ATP9B: variants seen among roughly 807,000 people sequenced by gnomAD.
The protein encoded by ATP9B is probable phospholipid-transporting ATPase IIB.
ATP9B carries 110 observed loss-of-function variants against 146.1 expected under a neutral mutation model. The ratio of observed to expected loss-of-function variants is 0.75; its 90% confidence interval spans 0.65 to 0.88. The LOEUF is 0.88. Ranked by LOEUF, ATP9B falls within the 40% of genes least tolerant of loss-of-function variation. The pLI, the probability that ATP9B is intolerant of heterozygous loss-of-function variation, is 0.00. For synonymous variants in ATP9B, 604 were observed against 569.7 expected (o/e 1.06, Z -0.86); for missense variants, 1,499 against 1,496.4 (o/e 1.00, Z -0.03).
chr18:79,355,825 A>C (rs563334283), intron 25 of ATP9B, among the ~76,000 whole-genome samples: 1 of 152,358 alleles, frequency 6.6e-6, no homozygotes, highest in Admixed American at 6.5e-5. Flanking sequence ...AGATAATCAT[A>C]ATCAAACTGA....
At chr18:79,109,139 T>C (rs1218984110) in intron 2 of ATP9B, among the ~76,000 whole-genome samples, 3 of 152,224 alleles carry the variant, frequency 2.0e-5, no homozygotes, top group South Asian at 2.1e-4. Flanking sequence ...ATTTGACTTA[T>C]ACGGCAGGCT....
intron 9 of ATP9B, among the ~76,000 whole-genome samples, chr18:79,202,773 T>TA (rs1298671933): frequency 6.6e-6 from 1 of 152,214 alleles, no homozygotes; most frequent in Non-Finnish European, 1.5e-5. Flanking sequence ...GATGCATAGA[T>TA]ATTGTGTTTT....
At chr18:79,282,442 C>G (rs1173397608) in intron 13 of ATP9B, among the ~76,000 whole-genome samples, 1 of 152,206 alleles carries the variant, frequency 6.6e-6, no homozygotes, top group Non-Finnish European at 1.5e-5. Context: ...GTCCAAACTT[C>G]AGCCACCACC....
intron 11 of ATP9B, among the ~76,000 whole-genome samples, chr18:79,226,796 C>T (rs2095739391): frequency 6.6e-6 from 1 of 152,160 alleles, no homozygotes; most frequent in South Asian, 2.1e-4. Flanking sequence ...CAGTGCTCTA[C>T]GGGATAAGTG....
chr18:79,091,704 T>C (rs1394098392), intron 1 of ATP9B, among the ~76,000 whole-genome samples: 3 of 152,222 alleles, frequency 2.0e-5, no homozygotes, highest in Non-Finnish European at 4.4e-5. Context: ...CAAATATACG[T>C]TCGTATCATC....
intron 7 of ATP9B, among the ~76,000 whole-genome samples, chr18:79,175,327 TA>T (rs1285031160): frequency 1.3e-5 from 2 of 152,250 alleles, no homozygotes; most frequent in African/African-American, 4.8e-5. Flanking sequence ...AGGAGTTTTT[TA>T]AAAGTTTGGT....
At chr18:79,121,202 A>G (rs543174476) in intron 4 of ATP9B, among the ~76,000 whole-genome samples, 2 of 152,338 alleles carry the variant, frequency 1.3e-5, no homozygotes, top group African/African-American at 4.8e-5. Context: ...ACAAAAATGT[A>G]TATTGTTTTG....
At chr18:79,268,608 T>TA (rs1336945472) in intron 12 of ATP9B, among the ~76,000 whole-genome samples, 1 of 152,224 alleles carries the variant, frequency 6.6e-6, no homozygotes, top group African/African-American at 2.4e-5. Context: ...CTTCTGGACT[T>TA]ACACCATTTT....
intron 15 of ATP9B, among the ~76,000 whole-genome samples, chr18:79,309,327 G>T (rs1312827750): frequency 1.0e-4 from 10 of 98,092 alleles, no homozygotes; most frequent in African/African-American, 3.9e-4. Context: ...AGGGGCTGAG[G>T]ACTGATCCCC....
chr18:79,251,896 A>G (rs193061812), intron 11 of ATP9B, among the ~76,000 whole-genome samples: 24 of 152,332 alleles, frequency 1.6e-4, no homozygotes, highest in Admixed American at 2.6e-4. Flanking sequence ...AGAAATTGAG[A>G]TGGCAGATAG....
chr18:79,118,333 T>C (rs963783491), intron 4 of ATP9B, among the ~76,000 whole-genome samples: 5 of 150,594 alleles, frequency 3.3e-5, no homozygotes, highest in African/African-American at 9.8e-5. Flanking sequence ...ATAGAAACTT[T>C]AGAACACAGA....
chr18:79,374,685 TG>T (rs2097093407), intron 28 of ATP9B, among the ~76,000 whole-genome samples: 1 of 152,386 alleles, frequency 6.6e-6, no homozygotes, highest in Non-Finnish European at 1.5e-5. Context: ...CATGCAGTGG[TG>T]AACCTGTACG....
chr18:79,368,637 G>A (rs2097049936), intron 26 of ATP9B, among the ~76,000 whole-genome samples: 1 of 152,114 alleles, frequency 6.6e-6, no homozygotes, highest in African/African-American at 2.4e-5. Context: ...ATGAAATTGA[G>A]CTTATCCATG....
chr18:79,264,619 A>G (rs770011612), intron 12 of ATP9B, among the ~76,000 whole-genome samples: 1 of 149,694 alleles, frequency 6.7e-6, no homozygotes, highest in Non-Finnish European at 1.5e-5. Flanking sequence ...CTCCTCTTAC[A>G]TTATCTTCTA....
intron 26 of ATP9B, among the ~76,000 whole-genome samples, chr18:79,370,476 C>A (rs568323840): frequency 6.6e-6 from 1 of 152,278 alleles, no homozygotes; most frequent in African/African-American, 2.4e-5. Context: ...TGAAGAGGTA[C>A]CTGGCCCAGG....
At chr18:79,108,195 C>T (rs967658157) in intron 2 of ATP9B, among the ~76,000 whole-genome samples, 1 of 152,048 alleles carries the variant, frequency 6.6e-6, no homozygotes, top group Non-Finnish European at 1.5e-5. Flanking sequence ...AGCAGGGATG[C>T]TGGAGGGAAG....
intron 9 of ATP9B, among the ~76,000 whole-genome samples, chr18:79,203,204 C>T (rs895849234): frequency 6.6e-6 from 1 of 151,652 alleles, no homozygotes; most frequent in South Asian, 2.1e-4. Flanking sequence ...GTACCTGATG[C>T]ATCATGGAGG....
At chr18:79,312,338 A>T (rs1405120386) in intron 15 of ATP9B, among the ~76,000 whole-genome samples, 1 of 152,228 alleles carries the variant, frequency 6.6e-6, no homozygotes, top group Non-Finnish European at 1.5e-5. Context: ...CGTTACTTTT[A>T]TAATTATTCA....
chr18:79,359,817 G>T (rs1457042457), intron 26 of ATP9B: 2 of 257,212 alleles, frequency 7.8e-6, no homozygotes, highest in Non-Finnish European at 1.6e-5. Flanking sequence ...CTGTAGAAAG[G>T]CTCCCCCGGA....
Sources: allele counts gnomAD v4.1 joint callset (sites outside exome capture counted in the v4.1 genomes callset), GRCh38; gene constraint gnomAD v4.1.1; transcripts MANE v1.5; gene names NCBI Gene and HGNC (gene_info 2026-07-23, HGNC 2026-07-21).